Variants in MTHFD1L observed in about 807,000 individuals in gnomAD.
The protein encoded by MTHFD1L is monofunctional C1-tetrahydrofolate synthase, mitochondrial.
MTHFD1L carries 81 observed loss-of-function variants against 119.5 expected under a neutral mutation model. The ratio of observed to expected loss-of-function variants is 0.68; its 90% CI spans 0.57 to 0.82. The LOEUF (loss-of-function observed/expected upper bound fraction) is 0.82, where lower values mean the gene tolerates loss of function less well. Among genes scored for constraint, MTHFD1L ranks in the 40% least tolerant of loss-of-function variants. MTHFD1L has a pLI of 0.00. For synonymous variants in MTHFD1L, 430 were observed against 475.2 expected (o/e 0.90, Z 1.24); for missense variants, 1,125 against 1,253.4 (o/e 0.90, Z 1.55).
intron 26 of MTHFD1L, among the ~76,000 whole-genome samples, chr6:151,040,179 T>C (rs1379594608): frequency 6.6e-6 from 1 of 152,134 alleles, no homozygotes; most frequent in Admixed American, 6.5e-5. Flanking sequence ...TGTCCTACCC[T>C]CTGAGGACTC....
chr6:151,012,071 C>T (rs1051857922), intron 21 of MTHFD1L, among the ~76,000 whole-genome samples: 1 of 148,146 alleles, frequency 6.8e-6, no homozygotes, highest in Non-Finnish European at 1.5e-5. Flanking sequence ...ACCAGGAAGC[C>T]CTGTGAAGCT....
intron 20 of MTHFD1L, among the ~76,000 whole-genome samples, chr6:150,972,434 C>A (rs576331298): frequency 6.6e-6 from 1 of 152,168 alleles, no homozygotes; most frequent in Non-Finnish European, 1.5e-5. Context: ...TTTAGTCATT[C>A]AGCAAATGTT....
chr6:151,083,594 A>G (rs776983709), intron 26 of MTHFD1L, among the ~76,000 whole-genome samples: 1 of 152,230 alleles, frequency 6.6e-6, no homozygotes, highest in Non-Finnish European at 1.5e-5. Flanking sequence ...CAGCTACTTG[A>G]TCAATAGTGG....
At chr6:150,874,360 C>G (rs1160923934) in intron 1 of MTHFD1L, among the ~76,000 whole-genome samples, 4 of 152,194 alleles carry the variant, frequency 2.6e-5, no homozygotes, top group African/African-American at 9.7e-5. Context: ...AAAGACTGGT[C>G]CTGGTTGTGA....
intron 7 of MTHFD1L, among the ~76,000 whole-genome samples, chr6:150,889,038 G>A (rs1782776252): frequency 2.0e-5 from 3 of 152,290 alleles, no homozygotes; most frequent in Middle Eastern, 6.8e-3. Context: ...TTAGCCGGGC[G>A]TGTCGGCGCA....
intron 13 of MTHFD1L, among the ~76,000 whole-genome samples, chr6:150,939,683 CTTTTTT>C (rs751835547): frequency 9.2e-6 from 1 of 108,456 alleles, no homozygotes; most frequent in African/African-American, 4.3e-5. Context: ...CTTGCAGACT[CTTTTTT>C]TTTTTTTTTT....
At chr6:150,952,630 A>C (rs1015170928) in intron 16 of MTHFD1L, among the ~76,000 whole-genome samples, 1 of 152,134 alleles carries the variant, frequency 6.6e-6, no homozygotes, top group Admixed American at 6.5e-5. Context: ...CCCTGGATCA[A>C]GCAATTATCC....
intron 1 of MTHFD1L, among the ~76,000 whole-genome samples, chr6:150,867,936 T>A (rs1778708069): frequency 6.6e-6 from 1 of 151,746 alleles, no homozygotes; most frequent in Non-Finnish European, 1.5e-5. Context: ...TAGCTGGGAT[T>A]ACAGGAGCAC....
chr6:150,876,022 ATGTGT>A (rs773553485), intron 1 of MTHFD1L, 63 bp from the exon 2 acceptor site: 17 of 1,233,520 alleles, frequency 1.4e-5, no homozygotes, highest in Non-Finnish European at 2.0e-5. Context: ...TTCACAGAAA[ATGTGT>A]TGTGTCAGTC....
At chr6:150,913,943 C>T (rs994842105) in intron 8 of MTHFD1L, among the ~76,000 whole-genome samples, 7 of 151,632 alleles carry the variant, frequency 4.6e-5, no homozygotes, top group Non-Finnish European at 8.8e-5. Flanking sequence ...CCAGCCTGGC[C>T]GTGGTGAAAC....
chr6:150,974,434 G>A lies in MTHFD1L; in HGVS notation c.2125+2376G>A, dbSNP rs778707057. Among the ~76,000 whole-genome samples the A allele has an allele frequency of 1.1e-4, 17 of 152,106 alleles. 1 individual carries two copies. In the South Asian group the frequency reaches 2.9e-3, roughly 26 times the overall value. On this transcript the variant is annotated intron_variant, in intron 20 of 27. Transcript: ENST00000367321. ...TATTTATAGTTGTTATAAAATACAC[G>A]TAACATGAAAGTTACCATCTTCACC...
At chr6:150,948,646 T>C (rs1024977487) in intron 15 of MTHFD1L, among the ~76,000 whole-genome samples, 1 of 136,582 alleles carries the variant, frequency 7.3e-6, no homozygotes, top group Non-Finnish European at 1.7e-5. Context: ...TTTTTTGTTT[T>C]GTTTTGTTTT....
chr6:150,925,611 A>G (rs1345422571), intron 10 of MTHFD1L, among the ~76,000 whole-genome samples: 1 of 152,226 alleles, frequency 6.6e-6, no homozygotes, highest in Non-Finnish European at 1.5e-5. Context: ...AAGTGTGGAC[A>G]CAGATAAAAC....
chr6:150,869,880 A>T (rs960398954), intron 1 of MTHFD1L, among the ~76,000 whole-genome samples: 1 of 151,906 alleles, frequency 6.6e-6, no homozygotes, highest in African/African-American at 2.4e-5. Context: ...GATGACCATA[A>T]TCCCTCAGCC....
chr6:150,945,209 T>C (rs556891987), intron 14 of MTHFD1L, among the ~76,000 whole-genome samples: 1 of 152,380 alleles, frequency 6.6e-6, no homozygotes, highest in Non-Finnish European at 1.5e-5. Context: ...CATCTTCATA[T>C]GGTAGTTGTA....
intron 26 of MTHFD1L, among the ~76,000 whole-genome samples, chr6:151,052,001 G>A (rs1385762167): frequency 6.6e-6 from 1 of 152,238 alleles, no homozygotes; most frequent in Non-Finnish European, 1.5e-5. Flanking sequence ...TGGAGAGGAT[G>A]GCATGTGTGC....
At chr6:150,971,275 C>G (rs1797965979) in intron 19 of MTHFD1L, among the ~76,000 whole-genome samples, 1 of 152,154 alleles carries the variant, frequency 6.6e-6, no homozygotes, top group Admixed American at 6.5e-5. Flanking sequence ...CAGCTCACTG[C>G]AACCTCCACC....
chr6:150,978,201 T>G (rs940656415), intron 20 of MTHFD1L, among the ~76,000 whole-genome samples: 1 of 147,990 alleles, frequency 6.8e-6, no homozygotes, highest in African/African-American at 2.5e-5. Flanking sequence ...CCTGGCCACC[T>G]TTTTTTTTTA....
chr6:151,094,664 C>A (rs1052795905), intron 27 of MTHFD1L, among the ~76,000 whole-genome samples: 2 of 152,268 alleles, frequency 1.3e-5, no homozygotes, highest in African/African-American at 4.8e-5. Flanking sequence ...CTGCCTCAGC[C>A]TCCCAAGCAG....
Sources: allele counts gnomAD v4.1 joint callset (sites outside exome capture counted in the v4.1 genomes callset), GRCh38; gene constraint gnomAD v4.1.1; transcripts MANE v1.5; gene names NCBI Gene and HGNC (gene_info 2026-07-23, HGNC 2026-07-21).